The following RBM10 variants were observed in gnomAD, a reference collection of about 807,000 sequenced individuals.
The protein encoded by RBM10 is RNA-binding protein 10.
Under a neutral mutation model 84.9 loss-of-function variants are expected in RBM10, and 1 was observed. The observed-to-expected ratio is 0.01, with a 90% CI of 0.00 to 0.06. RBM10 has a LOEUF of 0.06. RBM10 is among the 10% of genes least tolerant of loss of function. RBM10 has a pLI of 1.00. For missense variants in RBM10, 438 were observed against 839.0 expected, an observed-to-expected ratio of 0.52 and a Z score of 5.90; for synonymous variants, 326 against 344.5, an observed-to-expected ratio of 0.95 and a Z score of 0.60.
Position 47,163,517 on chromosome X carries a change from G to T in RBM10, c.18-5798G>T, listed in dbSNP as rs782190517. Among the ~76,000 whole-genome samples, 254 of 111,451 alleles carry T rather than the reference G, an allele frequency of 2.3e-3. 1 individual carries two copies. The highest frequency in any genetic ancestry group is 4.1e-3 in the Non-Finnish European group (216 of 53,087). On this transcript the variant is annotated intron_variant, in intron 2 of 23. Coordinates refer to ENST00000377604, the MANE Select transcript of RBM10 (RefSeq NM_005676.5). ...GTTGGTTTTATAGCGATGAGTTTTC[G>T]GTATGTTGCCCAGGCTGGTCTCAAA...
At chrX:47,176,030 A>G (rs1344741962) in intron 6 of RBM10, among the ~76,000 whole-genome samples, 1 of 112,666 alleles carries the variant, frequency 8.9e-6, no homozygotes, top group Non-Finnish European at 1.9e-5. Flanking sequence ...TCATGGCAGA[A>G]ACTTCCATCT....
intron 4 of RBM10, 96 bp from the exon 5 acceptor site, chrX:47,173,032 C>T (rs1934788633): frequency 2.5e-6 from 3 of 1,195,944 alleles, no homozygotes; most frequent in Non-Finnish European, 3.4e-6. Flanking sequence ...TGCACATCAC[C>T]GATGACCCCT....
chrX:47,173,281 C>T, intron 5 of RBM10, 84 bp downstream of exon 5: 1 of 1,176,338 alleles, frequency 8.5e-7, no homozygotes, highest in Non-Finnish European at 1.1e-6. Context: ...TTCTCCCCCA[C>T]TCCCTCCACC....
At chrX:47,153,150 A>G (rs1247977346) in intron 2 of RBM10, among the ~76,000 whole-genome samples, 1 of 112,392 alleles carries the variant, frequency 8.9e-6, no homozygotes, top group South Asian at 3.6e-4. Context: ...CCAGCCTGAC[A>G]TGACCTTTTA....
Position 47,178,869 on chromosome X carries a change from AGTT to A in RBM10, c.664-230_664-228del, listed in dbSNP as rs1366358219. ...AGGGAGTTGTTGTACCAAATGGGGG[AGTT>A]GTTTATTCCTGAGCTGAGTGGGTTG... is the stretch of plus-strand genomic sequence containing the variant. On this transcript the variant is annotated intron_variant, in intron 7 of 23. Transcript: ENST00000377604. Among the ~76,000 whole-genome samples, 11 of 111,513 alleles carry A rather than the reference AGTT, an allele frequency of 9.9e-5. No individual in the cohort carries two copies. The Admixed American group carries it at 1.0e-3, about 11-fold the overall frequency.
At chrX:47,168,425 G>A (rs1443199653) in intron 2 of RBM10, among the ~76,000 whole-genome samples, 2 of 111,075 alleles carry the variant, frequency 1.8e-5, no homozygotes, top group Non-Finnish European at 3.8e-5. Context: ...GTGCGTGCCT[G>A]TGGTCCCAAC....
rs376268058 is a variant in RBM10 at position 47,181,729 on chromosome X, C to T, written c.1576-20C>T. The T allele has an allele frequency of 1.7e-5, 20 of 1,208,725 alleles. No homozygotes were observed. Among genetic ancestry groups the T allele is most frequent in the Non-Finnish European group, 2.2e-5 (20 of 894,968 alleles). On this transcript the variant is annotated intron_variant, in intron 14 of 23. Transcript: ENST00000377604. Reference sequence around the variant, plus strand: ...TGGGCAGACACTGAGCCCTGTTCTCCTGTCTGGCCCCATGACCAGTCGTAT... The same window carrying T: ...TGGGCAGACACTGAGCCCTGTTCTCTTGTCTGGCCCCATGACCAGTCGTAT...
At position 47,148,925 on chromosome X, in the gene RBM10, A is replaced by G. The variant is rs368365257; in HGVS notation, c.17+1427A>G. Among the ~76,000 whole-genome samples, 64 of 97,470 alleles carry G rather than the reference A, an allele frequency of 6.6e-4. No individual in the cohort carries two copies. The East Asian group carries it at 0.011, about 17-fold the overall frequency. 84.6% of individuals were successfully genotyped at this position (97,470 alleles called of 115,157 possible). A position where few individuals can be genotyped will look rare whatever the true frequency, so the allele number is the denominator to read the frequency against. ...ATCCTTCTATGATACATATCATAGA[A>G]AATGTATCCTTCTATGATACATATC... On this transcript the variant is annotated intron_variant, in intron 2 of 23. Transcript: ENST00000377604.
At chrX:47,178,109 C>T (rs1429929220) in intron 7 of RBM10, among the ~76,000 whole-genome samples, 5 of 111,284 alleles carry the variant, frequency 4.5e-5, no homozygotes, top group South Asian at 3.8e-4. Context: ...CTTTCTCCCA[C>T]GCCCTCACCT....
chrX:47,169,327 T>C lies in RBM10; in HGVS notation c.30T>C (p.Gly10=). Residue 10 remains glycine, a synonymous_variant, in exon 3 of 24, where the codon GGT becomes GGC. Coordinates refer to ENST00000377604, the MANE Select transcript of RBM10 (RefSeq NM_005676.5). ...CTTCCTCCACTAGTGGTGGTCGTGG[T>C]GACAGGACTGGCCGCTATGGAGCCA... The part of the protein sequence containing the change: MEYERRGGR[G]DRTGRYGATD... 8.3e-7 allele frequency: 1 copy of C among 1,209,132 alleles called. No homozygotes were observed. The highest frequency in any genetic ancestry group is 1.1e-6 in the Non-Finnish European group (1 of 893,512).
At chrX:47,184,398 T>C (rs1214423571) in intron 17 of RBM10, among the ~76,000 whole-genome samples, 3 of 112,621 alleles carry the variant, frequency 2.7e-5, no homozygotes, top group African/African-American at 9.7e-5. Context: ...CCCAAAGTGC[T>C]GGGATTACAG....
At chrX:47,151,119 T>G (rs571592504) in intron 2 of RBM10, among the ~76,000 whole-genome samples, 3 of 108,052 alleles carry the variant, frequency 2.8e-5, no homozygotes, top group African/African-American at 1.0e-4. Flanking sequence ...TGGAGTGCAG[T>G]GGCGACCTCC....
At chrX:47,186,010 T>A in intron 21 of RBM10, 55 bp from the exon 22 acceptor site, 1 of 1,189,724 alleles carries the variant, frequency 8.4e-7, no homozygotes, top group Non-Finnish European at 1.1e-6. Context: ...ATGCCTGTGT[T>A]GCCTGAGAAA....
chrX:47,155,103 C>T (rs973680995), intron 2 of RBM10, among the ~76,000 whole-genome samples: 6 of 99,146 alleles, frequency 6.1e-5, no homozygotes, highest in Admixed American at 5.6e-4. Flanking sequence ...GCCAAGATCA[C>T]GCCACTGCAC....
intron 4 of RBM10, among the ~76,000 whole-genome samples, chrX:47,171,750 C>T (rs1285539551): frequency 8.9e-6 from 1 of 112,155 alleles, no homozygotes; most frequent in African/African-American, 3.2e-5. Context: ...TGCTAACAGC[C>T]TCCACGCCTG....
At chrX:47,147,302 G>A in intron 1 of RBM10, 55 bp from the exon 2 acceptor site, 2 of 1,102,288 alleles carry the variant, frequency 1.8e-6, no homozygotes, top group South Asian at 3.9e-5. Flanking sequence ...GTTTCTCAAG[G>A]AGGCCCTCTC....
At chrX:47,174,885 T>C (rs1935011227) in intron 5 of RBM10, 134 bp from the exon 6 acceptor site, 3 of 500,115 alleles carry the variant, frequency 6.0e-6, no homozygotes, top group Non-Finnish European at 7.1e-6. Flanking sequence ...TGCCTCTTTC[T>C]CTTTCTTCCT....
At chrX:47,180,616 C>T (rs1261289037) in intron 12 of RBM10, 110 bp downstream of exon 12, 3 of 1,128,975 alleles carry the variant, frequency 2.7e-6, no homozygotes, top group African/African-American at 3.7e-5. Context: ...ATGCAAAACC[C>T]TCTCCCAGTA....
intron 2 of RBM10, among the ~76,000 whole-genome samples, chrX:47,161,379 G>T (rs1933664471): frequency 9.0e-6 from 1 of 110,998 alleles, no homozygotes. Context: ...ATAACCTTTG[G>T]CTTATACTGA....
Sources: allele counts gnomAD v4.1 joint callset (sites outside exome capture counted in the v4.1 genomes callset), GRCh38; gene constraint gnomAD v4.1.1; transcripts MANE v1.5; gene names NCBI Gene and HGNC (gene_info 2026-07-23, HGNC 2026-07-21).